The following PTPRG variants were observed in gnomAD, a reference collection of about 807,000 sequenced individuals.
PTPRG encodes receptor-type tyrosine-protein phosphatase gamma.
PTPRG carries 102 observed loss-of-function variants against 165.3 expected under a neutral mutation model. The observed-to-expected ratio is 0.62, with a 90% CI of 0.53 to 0.73. PTPRG has a LOEUF of 0.73. Among genes scored for constraint, PTPRG ranks in the 30% least tolerant of loss-of-function variants. The pLI is 0.00. For missense variants in PTPRG, 1,866 were observed against 1,861.4 expected (o/e 1.00, Z -0.05); for synonymous variants, 675 against 669.5 (o/e 1.01, Z -0.13).
In PTPRG at chr3:61,910,119, C is replaced by T. The variant is rs181785924; in HGVS notation, c.191-79506C>T. On this transcript the variant is annotated intron_variant, in intron 2 of 29. Coordinates refer to ENST00000474889, the MANE Select transcript of PTPRG (RefSeq NM_002841.4). ...CATTATGCTGTTATGCATTTTAAAT[C>T]AATGCCAATTTTCAAAGTCTGTTCA... Among the ~76,000 whole-genome samples, 61 of 152,258 alleles carry T rather than the reference C, an allele frequency of 4.0e-4. No homozygotes were observed. The East Asian group carries it at 0.011, about 27-fold the overall frequency.
At chr3:62,031,237 A>G (rs1445434875) in intron 4 of PTPRG, among the ~76,000 whole-genome samples, 3 of 152,384 alleles carry the variant, frequency 2.0e-5, no homozygotes, top group East Asian at 3.9e-4. Flanking sequence ...AAGGCTACAT[A>G]GGAAGAAAAT....
intron 6 of PTPRG, among the ~76,000 whole-genome samples, chr3:62,146,741 CT>C (rs767647378): frequency 6.6e-6 from 1 of 152,070 alleles, no homozygotes; most frequent in Non-Finnish European, 1.5e-5. Flanking sequence ...CATATATTCT[CT>C]GTTGCAACTA....
chr3:62,109,858 G>A (rs1702604555), intron 5 of PTPRG, among the ~76,000 whole-genome samples: 1 of 152,012 alleles, frequency 6.6e-6, no homozygotes, highest in South Asian at 2.1e-4. Flanking sequence ...CACTCTTCTG[G>A]GTATGTGCTG....
At chr3:61,773,519 AAAT>A (rs1401940114) in intron 2 of PTPRG, among the ~76,000 whole-genome samples, 2 of 152,184 alleles carry the variant, frequency 1.3e-5, no homozygotes, top group Admixed American at 1.3e-4. Flanking sequence ...GTTATTGGAT[AAAT>A]AATAATGTAT....
At chr3:61,634,301 G>C (rs918484000) in intron 1 of PTPRG, among the ~76,000 whole-genome samples, 1 of 151,802 alleles carries the variant, frequency 6.6e-6, no homozygotes, top group Non-Finnish European at 1.5e-5. Flanking sequence ...GCAGTGGTGC[G>C]ATCTCGGCTC....
Position 61,804,782 on chromosome 3 carries a change from G to A in PTPRG, c.190+55800G>A, listed in dbSNP as rs369392268. ...CACGTTTCTGTTTCTTTGTGCCCCC[G>A]GTCCCCCTTTTAAAAATAGGCCTCA... On this transcript the variant is annotated intron_variant, in intron 2 of 29. Transcript: ENST00000474889. Among the ~76,000 whole-genome samples the A allele has an allele frequency of 3.0e-4, 46 of 152,020 alleles. 1 individual carries two copies. Among genetic ancestry groups the A allele is most frequent in the Middle Eastern group, 3.4e-3 (1 of 290 alleles).
At chr3:62,001,882 T>C (rs1363891666) in intron 3 of PTPRG, among the ~76,000 whole-genome samples, 5 of 152,288 alleles carry the variant, frequency 3.3e-5, no homozygotes, top group East Asian at 3.9e-4. Flanking sequence ...TAGAGACCAA[T>C]TGGCCTGCAA....
intron 2 of PTPRG, among the ~76,000 whole-genome samples, chr3:61,761,586 GAAACAAACAAAC>G (rs58659958): frequency 2.0e-5 from 3 of 151,016 alleles, no homozygotes; most frequent in Non-Finnish European, 4.4e-5. Flanking sequence ...TCAAAACAAA[GAAACAAACAAAC>G]AAACAAACAA....
intron 2 of PTPRG, among the ~76,000 whole-genome samples, chr3:61,974,946 A>C (rs1437231018): frequency 3.3e-5 from 5 of 152,182 alleles, no homozygotes; most frequent in Admixed American, 3.3e-4. Context: ...ACCAGTACCA[A>C]CCATTTAAAT....
chr3:62,149,977 CT>C (rs547201760), intron 6 of PTPRG, among the ~76,000 whole-genome samples: 20 of 152,320 alleles, frequency 1.3e-4, no homozygotes, highest in Admixed American at 5.2e-4. Context: ...TCTGCACTGG[CT>C]TTTCTCCCTT....
intron 4 of PTPRG, among the ~76,000 whole-genome samples, chr3:62,045,887 G>T (rs1003888277): frequency 6.6e-6 from 1 of 152,226 alleles, no homozygotes; most frequent in African/African-American, 2.4e-5. Flanking sequence ...CAAAGGTGAG[G>T]CAAAGTGATA....
chr3:62,208,628 A>C (rs1182262242), intron 12 of PTPRG, among the ~76,000 whole-genome samples: 1 of 152,112 alleles, frequency 6.6e-6, no homozygotes, highest in Non-Finnish European at 1.5e-5. Context: ...CCCATGAGCT[A>C]AGAATGAACA....
At position 61,719,967 on chromosome 3, in the gene PTPRG, T is replaced by C. The variant is rs564516011; in HGVS notation, c.86-28911T>C. On this transcript the variant is annotated intron_variant, in intron 1 of 29. Coordinates refer to ENST00000474889, the MANE Select transcript of PTPRG (RefSeq NM_002841.4). ...TAAGGCCTTTGCTGGCCGCTCTTGC[T>C]CACTTTACAGTGCAGTCCTGACTTG... Among the ~76,000 whole-genome samples the C allele has an allele frequency of 2.0e-5, 3 of 152,354 alleles. No individual in the cohort carries two copies. In the South Asian group the frequency reaches 6.2e-4, roughly 32 times the overall value.
intron 8 of PTPRG, among the ~76,000 whole-genome samples, chr3:62,173,594 C>A (rs558869794): frequency 1.4e-4 from 21 of 152,164 alleles, no homozygotes; most frequent in Non-Finnish European, 3.1e-4. Flanking sequence ...TGTGTTGGAT[C>A]TGTGTTTCCA....
chr3:61,658,608 T>C (rs1009817501), intron 1 of PTPRG, among the ~76,000 whole-genome samples: 4 of 152,232 alleles, frequency 2.6e-5, no homozygotes, highest in Non-Finnish European at 5.9e-5. Context: ...CTTTCTGTCA[T>C]TTATTCCCGA....
chr3:62,146,153 A>G (rs938971865), intron 6 of PTPRG, among the ~76,000 whole-genome samples: 11 of 152,216 alleles, frequency 7.2e-5, no homozygotes, highest in African/African-American at 1.4e-4. Context: ...TGTCATGTTC[A>G]TTTCCTTAAT....
chr3:62,030,192 CCT>C (rs1389653318), intron 4 of PTPRG, among the ~76,000 whole-genome samples: 1 of 128,036 alleles, frequency 7.8e-6, no homozygotes, highest in African/African-American at 3.7e-5. Context: ...GAAAATTTTC[CCT>C]GTGTTTTTTT....
chr3:62,170,249 T>C (rs7620531), intron 8 of PTPRG, among the ~76,000 whole-genome samples: 39,919 of 151,434 alleles, frequency 0.26, 5,721 homozygotes, highest in African/African-American at 0.37. Context: ...TTTAACCTAG[T>C]TAAAAAAAAA....
At chr3:62,170,165 TTAA>T (rs1207092710) in intron 8 of PTPRG, among the ~76,000 whole-genome samples, 2 of 151,998 alleles carry the variant, frequency 1.3e-5, no homozygotes, top group African/African-American at 4.8e-5. Flanking sequence ...AATGGGAGAA[TTAA>T]GAAGCTCACA....
Sources: gnomAD v4.1 joint callset for allele counts (sites outside exome capture counted in the v4.1 genomes callset) on GRCh38, gnomAD v4.1.1 for gene constraint, MANE v1.5 for transcripts, NCBI Gene and HGNC (gene_info 2026-07-23, HGNC 2026-07-21) for gene names.